The following CREB1 variants were observed in gnomAD, a reference collection of about 807,000 sequenced individuals.
The protein encoded by CREB1 is cAMP responsive element binding protein 1.
In CREB1, 2 loss-of-function variants were observed where a neutral mutation model predicts 42.0. That is an observed-to-expected ratio of 0.05 (90% CI 0.02 to 0.15). The LOEUF (loss-of-function observed/expected upper bound fraction) is 0.15, where lower values mean the gene tolerates loss of function less well. Ranked by LOEUF, CREB1 falls within the 10% of genes least tolerant of loss-of-function variation. The pLI is 1.00. For synonymous variants in CREB1, 123 were observed against 139.9 expected (o/e 0.88, Z 0.85); for missense variants, 199 against 388.9 (o/e 0.51, Z 4.11).
chr2:207,590,088 T>G (rs1244925544), intron 7 of CREB1, among the ~76,000 whole-genome samples: 1 of 96,404 alleles, frequency 1.0e-5, no homozygotes, highest in Non-Finnish European at 2.6e-5. Context: ...GAGAAGTTTT[T>G]TTTTTTTTTT....
In CREB1 at chr2:207,537,663, T is replaced by C. The variant is rs549580357; in HGVS notation, c.-9+7529T>C. On this transcript the variant is annotated intron_variant, in intron 1 of 7. Coordinates refer to ENST00000353267, the MANE Select transcript of CREB1 (RefSeq NM_004379.5). ...GTTTTATCACATCTGTAAATGTAGG[T>C]TTTTGAGACAAAACTTAAATAAGAA... Among the ~76,000 whole-genome samples, 3 of 152,336 alleles carry C rather than the reference T, an allele frequency of 2.0e-5. No individual in the cohort carries two copies. The South Asian group carries it at 6.2e-4, about 32-fold the overall frequency.
chr2:207,541,276 A>G (rs1022760019), intron 1 of CREB1, among the ~76,000 whole-genome samples: 4 of 152,212 alleles, frequency 2.6e-5, no homozygotes, highest in African/African-American at 9.6e-5. Context: ...AATAGTGTAC[A>G]GTAATGTTGT....
At chr2:207,570,059 A>AAAC (rs2082299858) in intron 4 of CREB1, 120 bp from the exon 5 acceptor site, 1 of 669,068 alleles carries the variant, frequency 1.5e-6, no homozygotes, top group African/African-American at 1.9e-5. Context: ...AAAAAAAAAA[A>AAAC]AAACCTTCTG....
rs911993189 is a variant in CREB1 at position 207,541,872 on chromosome 2, C to G, written c.-9+11738C>G. Among the ~76,000 whole-genome samples the G allele has an allele frequency of 3.3e-5, 5 of 152,304 alleles. No homozygotes were observed. The South Asian group carries it at 1.0e-3, about 32-fold the overall frequency. On this transcript the variant is annotated intron_variant, in intron 1 of 7. Coordinates refer to ENST00000353267, the MANE Select transcript of CREB1 (RefSeq NM_004379.5). ...TCTTAATCTCCCCATACCTGCAGCCCTAGGCAACCACCTATCACCTTTGTG... is the reference window on the plus strand; with the variant it reads ...TCTTAATCTCCCCATACCTGCAGCCGTAGGCAACCACCTATCACCTTTGTG...
At chr2:207,553,940 C>G (rs1357612850) in intron 1 of CREB1, among the ~76,000 whole-genome samples, 2 of 152,212 alleles carry the variant, frequency 1.3e-5, no homozygotes, top group African/African-American at 2.4e-5. Flanking sequence ...AAATGGGGCT[C>G]TATTTTACAA....
At chr2:207,537,315 G>A (rs1032002259) in intron 1 of CREB1, among the ~76,000 whole-genome samples, 1 of 152,166 alleles carries the variant, frequency 6.6e-6, no homozygotes, top group Non-Finnish European at 1.5e-5. Flanking sequence ...TGGGATTACA[G>A]GCGTGAGCCA....
intron 7 of CREB1, among the ~76,000 whole-genome samples, chr2:207,588,191 A>G (rs73056942): frequency 0.01 from 1,572 of 152,314 alleles, 27 homozygotes; most frequent in African/African-American, 0.036. Context: ...ATTTAGATCT[A>G]TAATTCCCTC....
intron 1 of CREB1, among the ~76,000 whole-genome samples, chr2:207,551,020 A>T (rs766849351): frequency 1.3e-5 from 2 of 152,170 alleles, no homozygotes; most frequent in Non-Finnish European, 2.9e-5. Context: ...TTTCTATGCA[A>T]AGTCTCTTAT....
chr2:207,571,120 C>T (rs1359962866), intron 5 of CREB1, among the ~76,000 whole-genome samples: 1 of 135,292 alleles, frequency 7.4e-6, no homozygotes, highest in Non-Finnish European at 1.5e-5. Flanking sequence ...ATACCCTTTT[C>T]CCCACCCACC....
rs139203910 is a variant in CREB1 at position 207,556,837 on chromosome 2, G to A, written c.114+1088G>A. 2.4e-4 allele frequency among the ~76,000 whole-genome samples: 37 copies of A among 152,236 alleles called. No individual in the cohort carries two copies. In the East Asian group the frequency reaches 6.9e-3, roughly 29 times the overall value. ...ATCTGTATATTTTGCCCTTTAGAAA[G>A]AGGAAGACACAATGCTAGGCCGGGC... On this transcript the variant is annotated intron_variant, in intron 2 of 7. Transcript: ENST00000353267.
chr2:207,572,225 CAAAAAA>C (rs35000643), intron 5 of CREB1, among the ~76,000 whole-genome samples: 5 of 98,890 alleles, frequency 5.1e-5, no homozygotes, highest in Admixed American at 3.1e-4. Flanking sequence ...GATTCCGTCT[CAAAAAA>C]AAAAAAAAAA....
chr2:207,585,388 T>C (rs1430388776), intron 7 of CREB1, among the ~76,000 whole-genome samples: 2 of 151,990 alleles, frequency 1.3e-5, no homozygotes, highest in Admixed American at 6.6e-5. Context: ...TAGAATCAAA[T>C]CCAGAGCACC....
At chr2:207,536,636 A>G (rs952186907) in intron 1 of CREB1, among the ~76,000 whole-genome samples, 5 of 152,202 alleles carry the variant, frequency 3.3e-5, no homozygotes, top group Admixed American at 6.5e-5. Context: ...CATATATACA[A>G]AGTTTTTAAT....
intron 1 of CREB1, among the ~76,000 whole-genome samples, chr2:207,548,431 G>T (rs560570746): frequency 1.3e-5 from 2 of 151,962 alleles, no homozygotes; most frequent in East Asian, 3.9e-4. Flanking sequence ...ATAAATCAGG[G>T]AATTTGTTTT....
At chr2:207,561,547 A>G (rs2106488097) in intron 3 of CREB1, among the ~76,000 whole-genome samples, 1 of 152,280 alleles carries the variant, frequency 6.6e-6, no homozygotes, top group South Asian at 2.1e-4. Flanking sequence ...TATTCTCGGA[A>G]ACTAGATTAG....
In CREB1 at chr2:207,604,049, ATG is replaced by A. The variant is rs1372897509; in HGVS notation, c.*6992_*6993del. Among the ~76,000 whole-genome samples, 1 of 152,196 alleles carries A rather than the reference ATG, an allele frequency of 6.6e-6. No homozygotes were observed. The highest frequency in any genetic ancestry group is 1.5e-5 in the Non-Finnish European group (1 of 68,030). ...ACGATTACAGAATTTATTGCACAAAATGAGACATTTTGAGAGTGATATTAATT... is the reference window on the plus strand; with the variant it reads ...ACGATTACAGAATTTATTGCACAAAAAGACATTTTGAGAGTGATATTAATT... On this transcript the variant is annotated 3_prime_UTR_variant, in exon 8 of 8. Transcript: ENST00000353267.
At chr2:207,565,519 T>A (rs1559288221) in intron 3 of CREB1, among the ~76,000 whole-genome samples, 1 of 149,858 alleles carries the variant, frequency 6.7e-6, no homozygotes, top group African/African-American at 2.5e-5. Context: ...GGGCCATAGA[T>A]CCAGAGTTAG....
chr2:207,535,409 A>G (rs929298921), intron 1 of CREB1, among the ~76,000 whole-genome samples: 4 of 152,092 alleles, frequency 2.6e-5, no homozygotes, highest in African/African-American at 9.7e-5. Flanking sequence ...AACATTTCAT[A>G]TAGTCCGGTG....
At chr2:207,584,514 G>A (rs1346393922) in intron 7 of CREB1, among the ~76,000 whole-genome samples, 3 of 151,866 alleles carry the variant, frequency 2.0e-5, no homozygotes, top group East Asian at 3.9e-4. Context: ...AGAGATTCTC[G>A]TGCCTCAGCC....
Sources: gnomAD v4.1 joint callset for allele counts (sites outside exome capture counted in the v4.1 genomes callset) on GRCh38, gnomAD v4.1.1 for gene constraint, MANE v1.5 for transcripts, NCBI Gene and HGNC (gene_info 2026-07-23, HGNC 2026-07-21) for gene names.